The following RHBDL3 variants were observed in gnomAD, a reference collection of about 807,000 sequenced individuals.
RHBDL3 encodes rhomboid-related protein 3.
RHBDL3 carries 28 observed loss-of-function variants against 48.2 expected under a neutral mutation model. The ratio of observed to expected loss-of-function variants is 0.58; its 90% CI spans 0.43 to 0.80. The LOEUF is 0.80. Among genes scored for constraint, RHBDL3 ranks in the 30% least tolerant of loss-of-function variants. RHBDL3 has a pLI of 0.00. For missense variants in RHBDL3, 464 were observed against 542.7 expected, an observed-to-expected ratio of 0.85 and a Z score of 1.44; for synonymous variants, 208 against 232.3, an observed-to-expected ratio of 0.90 and a Z score of 0.95.
chr17:32,311,896 G>T (rs865940678), intron 7 of RHBDL3, among the ~76,000 whole-genome samples: 2 of 152,280 alleles, frequency 1.3e-5, no homozygotes, highest in Middle Eastern at 6.8e-3. Flanking sequence ...CTGAGATAAG[G>T]GGCAGTTGTT....
chr17:32,311,759 C>A (rs978291718), intron 7 of RHBDL3, among the ~76,000 whole-genome samples: 1 of 152,146 alleles, frequency 6.6e-6, no homozygotes, highest in Non-Finnish European at 1.5e-5. Context: ...GCAAACTCCC[C>A]GTCTTTGTCT....
intron 2 of RHBDL3, among the ~76,000 whole-genome samples, chr17:32,276,702 GTACTCCGGCCCTAGCACCT>G (rs1199221087): frequency 1.5e-5 from 2 of 129,852 alleles, no homozygotes; most frequent in Non-Finnish European, 3.5e-5. Context: ...CCCTAGCACA[GTACTCCGGCCCTAGCACCT>G]TACTCCGGCC....
chr17:32,266,447 G>A, intron 1 of RHBDL3, 147 bp downstream of exon 1: 1 of 443,734 alleles, frequency 2.3e-6, no homozygotes, highest in South Asian at 3.3e-5. Context: ...GGCAGGAGGG[G>A]GCGGAGGGAC....
At chr17:32,289,068 T>G (rs1597642923) in intron 4 of RHBDL3, 52 bp downstream of exon 4, 1 of 1,473,324 alleles carries the variant, frequency 6.8e-7, no homozygotes, top group Non-Finnish European at 9.5e-7. Flanking sequence ...GTGGCGGGTA[T>G]GGGGAGAGGA....
At chr17:32,290,627 A>T (rs1409582615) in intron 4 of RHBDL3, among the ~76,000 whole-genome samples, 2 of 152,180 alleles carry the variant, frequency 1.3e-5, no homozygotes, top group Non-Finnish European at 2.9e-5. Context: ...ACTACCAGCA[A>T]GCAATAAGAA....
At position 32,294,438 on chromosome 17, in the gene RHBDL3, G is replaced by T; in HGVS notation, c.664G>T (p.Ala222Ser). ...WRYLTYIFMH[A>S]GIEHLGLNVV... Reference sequence around the variant, plus strand: ...CTACCTGACATACATCTTCATGCATGCAGGGTGAGTACCTGTCTTCTTTTG... The same window carrying T: ...CTACCTGACATACATCTTCATGCATTCAGGGTGAGTACCTGTCTTCTTTTG... The change falls in exon 5 of 9, where the codon GCA (alanine) becomes TCA (serine). Residue 222 changes from alanine to serine, a missense_variant. Ala to Ser is a moderately conservative substitution (Grantham distance 99). Transcript: ENST00000269051. 6.2e-7 allele frequency: 1 copy of T among 1,613,766 alleles called. No individual in the cohort carries two copies. Among genetic ancestry groups the T allele is most frequent in the East Asian group, 2.2e-5 (1 of 44,864 alleles).
chr17:32,314,551 C>T (rs1004854252), intron 7 of RHBDL3, among the ~76,000 whole-genome samples: 3 of 152,124 alleles, frequency 2.0e-5, no homozygotes, highest in African/African-American at 7.2e-5. Context: ...GCCTGGCAAA[C>T]AACAGCAAGA....
intron 7 of RHBDL3, among the ~76,000 whole-genome samples, chr17:32,307,383 T>A (rs928875615): frequency 2.6e-5 from 4 of 152,226 alleles, no homozygotes; most frequent in African/African-American, 9.6e-5. Flanking sequence ...ATGATCACAG[T>A]GCACAGGGCT....
chr17:32,301,543 G>C (rs1034118536), intron 6 of RHBDL3, among the ~76,000 whole-genome samples: 1 of 151,936 alleles, frequency 6.6e-6, no homozygotes, highest in African/African-American at 2.4e-5. Context: ...GAAAGTTGGC[G>C]GGCATGGTGG....
rs998322626 is a variant in RHBDL3 at position 32,320,973 on chromosome 17, G to A, written c.959G>A (p.Gly320Glu). Residue 320 changes from glycine to glutamate, a missense_variant, in exon 9 of 9, where the codon GGG becomes GAG. Physicochemically the swap from Gly to Glu is moderately conservative, Grantham distance 98. Coordinates refer to ENST00000269051, the MANE Select transcript of RHBDL3 (RefSeq NM_138328.3). ...VALICMSMEF[G>E]RAVWLRFHPS... ...CCCCTTGCAGTGAGCATGGAGTTTGGGCGGGCCGTGTGGCTCCGCTTCCAC... is the reference window on the plus strand; with the variant it reads ...CCCCTTGCAGTGAGCATGGAGTTTGAGCGGGCCGTGTGGCTCCGCTTCCAC... 6.2e-7 allele frequency: 1 copy of A among 1,612,242 alleles called. No individual in the cohort carries two copies. Among genetic ancestry groups the A allele is most frequent in the South Asian group, 1.1e-5 (1 of 90,980 alleles).
Position 32,294,244 on chromosome 17 carries a change from G to A in RHBDL3, c.520-50G>A, listed in dbSNP as rs757196522. The A allele has an allele frequency of 3.8e-6, 6 of 1,562,648 alleles. 1 individual carries two copies. The South Asian group carries it at 7.1e-5, about 19-fold the overall frequency. ...CCAGTGCTAGTCAGCACAACAGGAA[G>A]TTTCCTGGGCAGTGTGCACCTAGTA... is the stretch of plus-strand genomic sequence containing the variant. On this transcript the variant is annotated intron_variant, in intron 4 of 8. Coordinates refer to ENST00000269051, the MANE Select transcript of RHBDL3 (RefSeq NM_138328.3).
At chr17:32,317,785 A>G (rs1458899858) in intron 8 of RHBDL3, among the ~76,000 whole-genome samples, 1 of 152,226 alleles carries the variant, frequency 6.6e-6, no homozygotes, top group Non-Finnish European at 1.5e-5. Context: ...ATTGATGGAT[A>G]ACCAGAGTTT....
intron 4 of RHBDL3, among the ~76,000 whole-genome samples, chr17:32,289,754 A>T (rs2040282772): frequency 6.6e-6 from 1 of 152,178 alleles, no homozygotes; most frequent in Non-Finnish European, 1.5e-5. Flanking sequence ...AGCCCACCCC[A>T]GCTGCAGCTC....
In RHBDL3 at chr17:32,266,135, C is replaced by A; in HGVS notation, c.-55C>A. The A allele has an allele frequency of 1.6e-6, 1 of 642,988 alleles. No homozygotes were observed. Among genetic ancestry groups the A allele is most frequent in the Non-Finnish European group, 2.0e-6 (1 of 496,346 alleles). The allele number at this position is 642,988 out of a possible 1,614,324, so 39.8% of individuals were successfully genotyped here. A position where few individuals can be genotyped will look rare whatever the true frequency, so the allele number is the denominator to read the frequency against. ...CGGCCGCCGCGGCGCAAAGTTAGCC[C>A]GGCGCCCCGGGACGAGCCCCGCAGC... On this transcript the variant is annotated 5_prime_UTR_variant, in exon 1 of 9. Transcript: ENST00000269051.
chr17:32,316,809 C>T (rs1052621590), intron 8 of RHBDL3, among the ~76,000 whole-genome samples: 29 of 151,424 alleles, frequency 1.9e-4, no homozygotes, highest in African/African-American at 5.1e-4. Context: ...TGAGTCACCA[C>T]GCCTGGCCTT....
intron 2 of RHBDL3, among the ~76,000 whole-genome samples, chr17:32,273,132 C>G (rs1482810574): frequency 6.6e-6 from 1 of 152,228 alleles, no homozygotes; most frequent in Non-Finnish European, 1.5e-5. Flanking sequence ...TCCCGAGTAG[C>G]TGGGATTACA....
chr17:32,313,751 C>CTTTTTTTTTTTTTTTTT (rs559422433), intron 7 of RHBDL3, among the ~76,000 whole-genome samples: 2 of 98,630 alleles, frequency 2.0e-5, no homozygotes, highest in Non-Finnish European at 3.8e-5. Context: ...AATTCCCTCC[C>CTTTTTTTTTTTTTTTTT]TTTTTTTTTT....
chr17:32,279,169 G>A (rs1159423810), intron 2 of RHBDL3, among the ~76,000 whole-genome samples: 1 of 152,156 alleles, frequency 6.6e-6, no homozygotes, highest in Non-Finnish European at 1.5e-5. Flanking sequence ...TTGGACAACA[G>A]GTATATGCCA....
At chr17:32,304,710 G>A (rs1343605669) in intron 6 of RHBDL3, among the ~76,000 whole-genome samples, 2 of 152,190 alleles carry the variant, frequency 1.3e-5, no homozygotes, top group African/African-American at 4.8e-5. Flanking sequence ...GGCAGACATT[G>A]GATTGAGAGG....
Sources: allele counts gnomAD v4.1 joint callset (sites outside exome capture counted in the v4.1 genomes callset), GRCh38; gene constraint gnomAD v4.1.1; transcripts MANE v1.5; gene names NCBI Gene and HGNC (gene_info 2026-07-23, HGNC 2026-07-21).